PHEX: variants seen among roughly 807,000 people sequenced by gnomAD.
The protein encoded by PHEX is phosphate regulating endopeptidase X-linked.
A neutral mutation model predicts 68.0 loss-of-function variants in PHEX; 16 were observed. The ratio of observed to expected loss-of-function variants is 0.24; its 90% confidence interval spans 0.16 to 0.36. PHEX has a LOEUF of 0.36. Ranked by LOEUF, PHEX falls within the 10% of genes least tolerant of loss-of-function variation. The pLI is 1.00. For missense variants in PHEX, 480 were observed against 575.5 expected (o/e 0.83, Z 1.70); for synonymous variants, 208 against 205.1 (o/e 1.01, Z -0.12).
chrX:22,042,700 A>T (rs1343532179), intron 2 of PHEX, among the ~76,000 whole-genome samples: 5 of 111,484 alleles, frequency 4.5e-5, no homozygotes, highest in African/African-American at 1.6e-4. Flanking sequence ...CAGGACAATC[A>T]CTTGAACCTG....
chrX:22,234,715 T>G (rs1408250992), intron 20 of PHEX, among the ~76,000 whole-genome samples: 59 of 108,358 alleles, frequency 5.4e-4, no homozygotes, highest in African/African-American at 1.9e-3. Flanking sequence ...TCTGTGGGGG[T>G]AGGACCCGCC....
chrX:22,145,290 G>A (rs748102182), intron 12 of PHEX, among the ~76,000 whole-genome samples: 2 of 111,914 alleles, frequency 1.8e-5, no homozygotes, highest in Non-Finnish European at 3.8e-5. Flanking sequence ...AGACTCTCTG[G>A]GAGTGGGACA....
At chrX:22,144,925 T>G (rs1255699529) in intron 12 of PHEX, among the ~76,000 whole-genome samples, 3 of 111,890 alleles carry the variant, frequency 2.7e-5, no homozygotes, top group African/African-American at 9.7e-5. Flanking sequence ...AATCTTGTTT[T>G]GCTAGTTATT....
intron 12 of PHEX, among the ~76,000 whole-genome samples, chrX:22,134,579 C>T (rs1283901077): frequency 1.8e-5 from 2 of 112,295 alleles, no homozygotes; most frequent in South Asian, 3.7e-4. Flanking sequence ...GGTGACAGAG[C>T]GAGACTCCAT....
At position 22,236,519 on chromosome X, in the gene PHEX, A is replaced by G. The variant is rs1207428783; in HGVS notation, c.2071-8814A>G. Among the ~76,000 whole-genome samples the G allele has an allele frequency of 2.7e-5, 3 of 113,141 alleles. No homozygotes were observed. In the Admixed American group the frequency reaches 2.8e-4, roughly 11 times the overall value. On this transcript the variant is annotated intron_variant, in intron 20 of 21. Coordinates refer to ENST00000379374, the MANE Select transcript of PHEX (RefSeq NM_000444.6). Reference sequence around the variant, plus strand: ...GACTCCCTTTTACTGGGTCAGATATATAAAATAAGTATACAAAAATAGAAC... The same window carrying G: ...GACTCCCTTTTACTGGGTCAGATATGTAAAATAAGTATACAAAAATAGAAC...
chrX:22,145,348 C>T (rs944640537), intron 12 of PHEX, among the ~76,000 whole-genome samples: 1 of 112,077 alleles, frequency 8.9e-6, no homozygotes, highest in Non-Finnish European at 1.9e-5. Context: ...CAGAGGCTTA[C>T]GCCTGTAAAC....
intron 18 of PHEX, among the ~76,000 whole-genome samples, chrX:22,224,996 A>ATACAGCGCT (rs1935441593): frequency 1.1e-3 from 1 of 938 alleles, no homozygotes; most frequent in African/African-American, 3.8e-3. Context: ...TCTGTATGTC[A>ATACAGCGCT]GAAGTCTGAC....
intron 12 of PHEX, among the ~76,000 whole-genome samples, chrX:22,149,106 T>C (rs1932786840): frequency 8.9e-6 from 1 of 111,960 alleles, no homozygotes; most frequent in Non-Finnish European, 1.9e-5. Flanking sequence ...CACTGACTTA[T>C]GGGGTCCTGT....
At chrX:22,062,903 G>C (rs1602263597) in intron 3 of PHEX, among the ~76,000 whole-genome samples, 1 of 111,111 alleles carries the variant, frequency 9.0e-6, no homozygotes, top group South Asian at 3.9e-4. Context: ...TGGGATTACA[G>C]GTGTGTGCCA....
chrX:22,216,492 C>CTTATTTATTTATTTAT (rs56899587), intron 16 of PHEX, among the ~76,000 whole-genome samples: 1 of 88,041 alleles, frequency 1.1e-5, no homozygotes, highest in African/African-American at 4.8e-5. Flanking sequence ...TTTTTTTATG[C>CTTATTTATTTATTTAT]TTATTTATTT....
intron 6 of PHEX, among the ~76,000 whole-genome samples, chrX:22,092,400 T>C (rs1425176160): frequency 9.0e-6 from 1 of 111,234 alleles, no homozygotes; most frequent in African/African-American, 3.3e-5. Flanking sequence ...TTAGATAGAG[T>C]CTCACTGTGT....
chrX:22,203,140 G>C (rs745450728), intron 15 of PHEX, among the ~76,000 whole-genome samples: 1 of 111,322 alleles, frequency 9.0e-6, no homozygotes, highest in Non-Finnish European at 1.9e-5. Flanking sequence ...AGAAAGTCTC[G>C]CATCCCAGGA....
At chrX:22,094,892 A>G (rs1468669451) in intron 7 of PHEX, among the ~76,000 whole-genome samples, 1 of 112,093 alleles carries the variant, frequency 8.9e-6, no homozygotes, top group Non-Finnish European at 1.9e-5. Context: ...ATCTCTCTAT[A>G]TGTTCCTAGG....
intron 12 of PHEX, among the ~76,000 whole-genome samples, chrX:22,140,341 A>T (rs1932404299): frequency 9.0e-6 from 1 of 110,811 alleles, no homozygotes. Flanking sequence ...CTTGAGAGAG[A>T]TCCAAAGGCT....
chrX:22,151,448 T>C (rs1474560477), intron 12 of PHEX, among the ~76,000 whole-genome samples: 1 of 111,827 alleles, frequency 8.9e-6, no homozygotes, highest in African/African-American at 3.3e-5. Context: ...GACTCTCATC[T>C]ATCTTTATGA....
At chrX:22,156,993 C>T (rs1483385403) in intron 12 of PHEX, among the ~76,000 whole-genome samples, 1 of 111,092 alleles carries the variant, frequency 9.0e-6, no homozygotes, top group African/African-American at 3.3e-5. Context: ...AGTGATCCTT[C>T]TGCCTCGGCC....
At chrX:22,038,402 T>C (rs1288790265) in intron 1 of PHEX, 67 bp from the exon 2 acceptor site, 1 of 675,919 alleles carries the variant, frequency 1.5e-6, no homozygotes, top group Non-Finnish European at 2.5e-6. Context: ...TGCGTATGTT[T>C]CCGAGGGTGG....
intron 3 of PHEX, among the ~76,000 whole-genome samples, chrX:22,068,702 G>A (rs968974679): frequency 8.9e-6 from 1 of 112,455 alleles, no homozygotes; most frequent in Non-Finnish European, 1.9e-5. Flanking sequence ...CAATACATCT[G>A]GCACAGAGCA....
At chrX:22,149,863 A>C (rs1932815524) in intron 12 of PHEX, among the ~76,000 whole-genome samples, 1 of 112,953 alleles carries the variant, frequency 8.9e-6, no homozygotes, top group African/African-American at 3.2e-5. Flanking sequence ...ATTTCCATTA[A>C]AAATGATTCA....
Sources: allele counts gnomAD v4.1 joint callset (sites outside exome capture counted in the v4.1 genomes callset), GRCh38; gene constraint gnomAD v4.1.1; transcripts MANE v1.5; gene names NCBI Gene and HGNC (gene_info 2026-07-23, HGNC 2026-07-21).